The following PPOX variants were observed in gnomAD, a reference collection of about 807,000 sequenced individuals.
The protein encoded by PPOX is variegate porphyria.
A neutral mutation model predicts 54.1 loss-of-function variants in PPOX; 23 were observed. The ratio of observed to expected loss-of-function variants is 0.43; its 90% CI spans 0.31 to 0.60. The LOEUF (loss-of-function observed/expected upper bound fraction) is 0.60, where lower values mean the gene tolerates loss of function less well. Ranked by LOEUF, PPOX falls within the 20% of genes least tolerant of loss-of-function variation. The pLI is 0.13. For synonymous variants in PPOX, 224 were observed against 236.1 expected (o/e 0.95, Z 0.47); for missense variants, 512 against 601.1 (o/e 0.85, Z 1.55).
At chr1:161,166,222 C>G, upstream of PPOX, 1 of 970,472 alleles carries the variant, frequency 1.0e-6, no homozygotes, top group Non-Finnish European at 1.2e-6. Flanking sequence ...CGCTCGCCGC[C>G]TCGGTCCTGA....
At chr1:161,170,264 G>A in intron 9 of PPOX, 145 bp from the exon 10 acceptor site, 1 of 839,748 alleles carries the variant, frequency 1.2e-6, no homozygotes, top group Non-Finnish European at 1.9e-6. Context: ...GGTGGAGGTT[G>A]CAGTGAGCTG....
chr1:161,176,651 T>TC, intron 4 of PPOX: 1 of 589,290 alleles, frequency 1.7e-6, no homozygotes, highest in Non-Finnish European at 3.0e-6. Flanking sequence ...GAAGCTGGTT[T>TC]CCCAGCAGGC....
At chr1:161,171,830 G>A (rs371077103), downstream of PPOX, 20 of 1,613,970 alleles carry the variant, frequency 1.2e-5, no homozygotes, top group African/African-American at 6.7e-5. Context: ...TGTGAACCTC[G>A]GAGGGCTGTG....
At chr1:161,168,252 AC>A in intron 5 of PPOX, 125 bp downstream of exon 5, 1 of 1,546,452 alleles carries the variant, frequency 6.5e-7, no homozygotes, top group Non-Finnish European at 8.9e-7. Context: ...TTCATACCCC[AC>A]CCCCTCATAA....
chr1:161,172,289 A>G, downstream of PPOX: 1 of 1,614,116 alleles, frequency 6.2e-7, no homozygotes, highest in Non-Finnish European at 8.5e-7. Flanking sequence ...AGTGTCCTAC[A>G]GATGTGGGGG....
chr1:161,173,322 C>CTG (rs1253231490), downstream of PPOX, among the ~76,000 whole-genome samples: 1 of 152,222 alleles, frequency 6.6e-6, no homozygotes, highest in Non-Finnish European at 1.5e-5. Context: ...CAAGACTAAG[C>CTG]TGTCTCTGGG....
Position 161,167,592 on chromosome 1 carries a change from A to C in PPOX, c.338+106A>C, listed in dbSNP as rs554839664. The C allele has an allele frequency of 1.8e-4, 221 of 1,229,498 alleles. No homozygotes were observed. In the African/African-American group the frequency reaches 3.9e-3, roughly 22 times the overall value. The allele number at this position is 1,229,498 out of a possible 1,614,324, so 76.2% of individuals were successfully genotyped here. A position where few individuals can be genotyped will look rare whatever the true frequency, so the allele number is the denominator to read the frequency against. On this transcript the variant is annotated intron_variant, in intron 4 of 12. Transcript: ENST00000367999. Reference sequence around the variant, plus strand: ...TTTTTTTTTTTTTTTTTTGAGACGGAGTATCGCTCTCGCCCAGGATGGAGT... The same window carrying C: ...TTTTTTTTTTTTTTTTTTGAGACGGCGTATCGCTCTCGCCCAGGATGGAGT...
At chr1:161,169,814 G>C (rs779586151) in intron 8 of PPOX, 92 bp from the exon 9 acceptor site, 37 of 1,613,822 alleles carry the variant, frequency 2.3e-5, no homozygotes, top group Non-Finnish European at 3.1e-5. Context: ...CCATGCCCCT[G>C]AACTGGTCAT....
chr1:161,168,855 A>C, intron 6 of PPOX, 138 bp from the exon 7 acceptor site: 1 of 1,008,660 alleles, frequency 9.9e-7, no homozygotes, highest in East Asian at 2.6e-5. Context: ...GTAGAGATGC[A>C]GTTTCACTAT....
At chr1:161,171,656 C>G (rs987716260), downstream of PPOX, 2 of 1,030,424 alleles carry the variant, frequency 1.9e-6, no homozygotes, top group Non-Finnish European at 1.4e-6. Context: ...TCTACAGGAG[C>G]CCAGCTCCAG....
downstream of PPOX, chr1:161,173,980 C>T: frequency 6.2e-7 from 1 of 1,614,172 alleles, no homozygotes; most frequent in South Asian, 1.1e-5. Context: ...CAGTCCCACT[C>T]TTCATCACGC....
intron 9 of PPOX, 173 bp downstream of exon 9, chr1:161,170,197 C>T (rs1660702379): frequency 1.1e-6 from 1 of 903,558 alleles, no homozygotes; most frequent in Admixed American, 2.0e-5. Flanking sequence ...TGGTGGCTTG[C>T]ACCTGTAATC....
chr1:161,168,213 T>TC, intron 5 of PPOX, 86 bp downstream of exon 5: 1 of 1,603,150 alleles, frequency 6.2e-7, no homozygotes, highest in Non-Finnish European at 8.5e-7. Context: ...TAGGGGCTCT[T>TC]CTGTATCATT....
chr1:161,168,948 G>A (rs1660128435), intron 6 of PPOX, 45 bp from the exon 7 acceptor site: 2 of 1,606,926 alleles, frequency 1.2e-6, no homozygotes, highest in African/African-American at 1.3e-5. Context: ...ACAGGTGTGA[G>A]CCACTGCATC....
At chr1:161,168,190 C>G (rs1446319685) in intron 5 of PPOX, 63 bp downstream of exon 5, 2 of 1,612,176 alleles carry the variant, frequency 1.2e-6, no homozygotes, top group Admixed American at 3.3e-5. Context: ...GCTCCCTGTT[C>G]AAATCTACCA....
At chr1:161,167,079 G>GTCTCTCCCA (rs748544357) in intron 2 of PPOX, 21 bp from the exon 3 acceptor site, 34 of 1,614,080 alleles carry the variant, frequency 2.1e-5, no homozygotes, top group Non-Finnish European at 2.9e-5. Context: ...GTGCTGCAGT[G>GTCTCTCCCA]TCTCTCCCTC....
chr1:161,171,259 C>G (rs977525117), downstream of PPOX: 6 of 1,604,806 alleles, frequency 3.7e-6, no homozygotes, highest in East Asian at 1.1e-4. Context: ...CATAAGAATG[C>G]GGGGCAGCAA....
rs369381477 is a variant in PPOX, at chr1:161,168,072, G to A, written c.416G>A (p.Gly139Asp). ...AGLRELTKPR[G>D]KEPDETVHSF... ...CTGAGGGAGCTGACCAAGCCCCGGG[G>A]CAAAGAGCCTGATGAGACTGTGCAC... Residue 139 changes from glycine to aspartate, a missense_variant, in exon 5 of 13, where the codon GGC becomes GAC. Transcript: ENST00000367999. 4.3e-6 allele frequency: 7 copies of A among 1,614,154 alleles called. No homozygotes were observed. The highest frequency in any genetic ancestry group is 5.1e-6 in the Non-Finnish European group (6 of 1,180,026).
chr1:161,173,972 G>A, downstream of PPOX: 2 of 1,614,112 alleles, frequency 1.2e-6, no homozygotes, highest in Non-Finnish European at 8.5e-7. Context: ...AGAACAGGCA[G>A]TCCCACTCTT....
Sources: allele counts gnomAD v4.1 joint callset (sites outside exome capture counted in the v4.1 genomes callset), GRCh38; gene constraint gnomAD v4.1.1; transcripts MANE v1.5; gene names NCBI Gene and HGNC (gene_info 2026-07-23, HGNC 2026-07-21).